Variants in COG5 observed in about 807,000 individuals in gnomAD.
COG5 encodes the protein conserved oligomeric Golgi complex subunit 5.
COG5 carries 86 observed loss-of-function variants against 110.4 expected under a neutral mutation model. The observed-to-expected ratio is 0.78, with a 90% CI of 0.65 to 0.93. The LOEUF (loss-of-function observed/expected upper bound fraction) is 0.93, where lower values mean the gene tolerates loss of function less well. COG5 is among the 40% of genes least tolerant of loss of function. The pLI, the probability that COG5 is intolerant of heterozygous loss-of-function variation, is 0.00. For synonymous variants in COG5, 360 were observed against 334.6 expected (o/e 1.08, Z -0.83); for missense variants, 1,077 against 987.0 (o/e 1.09, Z -1.22).
At chr7:107,210,480 T>C in intron 21 of COG5, 46 bp downstream of exon 21, 1 of 1,562,882 alleles carries the variant, frequency 6.4e-7, no homozygotes, top group Non-Finnish European at 8.7e-7. Context: ...CCCACCCTCC[T>C]TGGGCTTCCA....
At chr7:107,229,233 G>A (rs547120396) in intron 19 of COG5, among the ~76,000 whole-genome samples, 7 of 152,234 alleles carry the variant, frequency 4.6e-5, no homozygotes, top group East Asian at 1.9e-4. Context: ...GGCAGATCAC[G>A]AGGAGAGGAG....
chr7:107,550,043 G>A (rs1445294935), intron 3 of COG5, among the ~76,000 whole-genome samples: 3 of 151,870 alleles, frequency 2.0e-5, no homozygotes, highest in African/African-American at 4.8e-5. Context: ...TACATCAAAT[G>A]TAAGATACCC....
At chr7:107,382,114 T>C (rs1390000792) in intron 7 of COG5, among the ~76,000 whole-genome samples, 1 of 152,180 alleles carries the variant, frequency 6.6e-6, no homozygotes, top group South Asian at 2.1e-4. Context: ...AAAAGTCCAG[T>C]GGGGAAACTG....
chr7:107,274,059 G>A (rs1346011066), intron 14 of COG5, among the ~76,000 whole-genome samples: 2 of 152,072 alleles, frequency 1.3e-5, no homozygotes, highest in Non-Finnish European at 2.9e-5. Flanking sequence ...GGCAATGAAG[G>A]TGGTGTCAAA....
chr7:107,261,085 C>T (rs541365839), intron 14 of COG5, among the ~76,000 whole-genome samples: 1 of 152,018 alleles, frequency 6.6e-6, no homozygotes, highest in Non-Finnish European at 1.5e-5. Flanking sequence ...CCTGAGGAAC[C>T]CGCGTACAGG....
intron 10 of COG5, among the ~76,000 whole-genome samples, chr7:107,343,137 T>G (rs929776590): frequency 2.0e-5 from 3 of 152,136 alleles, no homozygotes; most frequent in Non-Finnish European, 1.5e-5. Context: ...AATTACCACA[T>G]GTCCTCAGTT....
rs2116455959 is a variant in COG5, at chr7:107,236,508, C to T, written c.2033G>A (p.Ser678Asn). ...RAVELFIRHA[S>N]LIRPLGEGGK... is the part of the protein sequence containing the mutation. ...ACCTTCACCAAGAGGTCTTATGAGA[C>T]TGGCATGGCGGATAAAAAGTTCAAC... Residue 678 changes from serine (S) to asparagine (N), a missense_variant, in exon 18 of 22, where the codon AGT (serine) becomes AAT (asparagine). Transcript: ENST00000297135. The T allele has an allele frequency of 6.2e-7, 1 of 1,614,174 alleles. No individual in the cohort carries two copies. The highest frequency in any genetic ancestry group is 1.1e-5 in the South Asian group (1 of 91,074).
chr7:107,414,685 C>A (rs1792570049), intron 6 of COG5, among the ~76,000 whole-genome samples: 1 of 120,214 alleles, frequency 8.3e-6, no homozygotes, highest in South Asian at 3.2e-4. Flanking sequence ...TTTATTGATT[C>A]CAAAATCCTC....
intron 7 of COG5, among the ~76,000 whole-genome samples, chr7:107,381,539 G>A (rs1168985502): frequency 2.6e-5 from 4 of 152,122 alleles, no homozygotes; most frequent in Non-Finnish European, 5.9e-5. Context: ...CTGTACCCTG[G>A]ACATTTTGCA....
intron 6 of COG5, among the ~76,000 whole-genome samples, chr7:107,512,533 T>C (rs1391131312): frequency 1.3e-5 from 2 of 152,146 alleles, no homozygotes; most frequent in Admixed American, 6.5e-5. Flanking sequence ...CTTCACAGAA[T>C]TGGAAAAAAC....
intron 6 of COG5, among the ~76,000 whole-genome samples, chr7:107,505,624 A>AG (rs886878072): frequency 1.3e-5 from 2 of 152,232 alleles, no homozygotes; most frequent in East Asian, 3.8e-4. Context: ...CACAAGCACC[A>AG]GGACTGCCTG....
intron 6 of COG5, among the ~76,000 whole-genome samples, chr7:107,444,804 T>C (rs1584831461): frequency 6.6e-6 from 1 of 152,146 alleles, no homozygotes; most frequent in Non-Finnish European, 1.5e-5. Context: ...TGACCAAAAA[T>C]ACAATTTAAA....
intron 6 of COG5, among the ~76,000 whole-genome samples, chr7:107,433,532 T>A (rs930533865): frequency 2.6e-5 from 4 of 152,092 alleles, no homozygotes; most frequent in Non-Finnish European, 4.4e-5. Context: ...ACGTGTAAGG[T>A]CAAATGATTT....
At chr7:107,413,711 G>A (rs1160369806) in intron 6 of COG5, among the ~76,000 whole-genome samples, 1 of 152,172 alleles carries the variant, frequency 6.6e-6, no homozygotes, top group Non-Finnish European at 1.5e-5. Flanking sequence ...AGCACATCTA[G>A]AGACTGGAGC....
intron 6 of COG5, among the ~76,000 whole-genome samples, chr7:107,481,346 A>C (rs575358203): frequency 1.3e-5 from 2 of 152,194 alleles, no homozygotes; most frequent in African/African-American, 4.8e-5. Context: ...CATAATACTC[A>C]TAAGATTTGA....
At chr7:107,469,274 C>A (rs1796491667) in intron 6 of COG5, among the ~76,000 whole-genome samples, 1 of 151,488 alleles carries the variant, frequency 6.6e-6, no homozygotes, top group African/African-American at 2.4e-5. Context: ...TAGAATAAGC[C>A]AATTGAAATA....
chr7:107,505,779 T>C (rs1798948989), intron 6 of COG5, among the ~76,000 whole-genome samples: 1 of 152,174 alleles, frequency 6.6e-6, no homozygotes, highest in Non-Finnish European at 1.5e-5. Flanking sequence ...GGTCCCTTGA[T>C]GTGGTACACT....
intron 6 of COG5, among the ~76,000 whole-genome samples, chr7:107,448,994 T>C (rs1029608776): frequency 2.0e-5 from 3 of 152,136 alleles, no homozygotes; most frequent in African/African-American, 7.2e-5. Context: ...AGACCATACA[T>C]GGCACCATTC....
Position 107,363,242 on chromosome 7 carries a change from A to T in COG5, c.836-822T>A, listed in dbSNP as rs115836650. Among the ~76,000 whole-genome samples the T allele has an allele frequency of 9.2e-3, 1,396 of 152,352 alleles. 24 individuals are homozygous for T. The highest frequency in any genetic ancestry group is 0.031 in the African/African-American group (1,296 of 41,582). ...TTTTGATTTCTAAGACCATTCTCCA[A>T]TAAAAACAAAGCAGGATTCAGTGGA... On this transcript the variant is annotated intron_variant, in intron 8 of 21. Transcript: ENST00000297135.
Sources: allele counts gnomAD v4.1 joint callset (sites outside exome capture counted in the v4.1 genomes callset), GRCh38; gene constraint gnomAD v4.1.1; transcripts MANE v1.5; gene names NCBI Gene and HGNC (gene_info 2026-07-23, HGNC 2026-07-21).